The following CDK19 variants were observed in gnomAD, a reference collection of about 807,000 sequenced individuals.
The protein encoded by CDK19 is cyclin-dependent kinase 19.
CDK19 carries 20 observed loss-of-function variants against 68.3 expected under a neutral mutation model. That is an observed-to-expected ratio of 0.29 (90% CI 0.21 to 0.43). CDK19 has a LOEUF of 0.43. Ranked by LOEUF, CDK19 falls within the 20% of genes least tolerant of loss-of-function variation. The probability of loss-of-function intolerance (pLI) is 1.00; values close to 1 mark genes in which losing one functional copy is unlikely to be tolerated. For missense variants in CDK19, 339 were observed against 623.5 expected, an observed-to-expected ratio of 0.54 and a Z score of 4.86; for synonymous variants, 221 against 222.8, an observed-to-expected ratio of 0.99 and a Z score of 0.07.
At chr6:110,645,812 A>T in intron 4 of CDK19, 3 of 604,272 alleles carry the variant, frequency 5.0e-6, no homozygotes, top group South Asian at 1.7e-5. Flanking sequence ...CTAGAGACGG[A>T]GGGATGGCCG....
At chr6:110,692,642 CT>C (rs906524561) in intron 2 of CDK19, among the ~76,000 whole-genome samples, 124 of 152,258 alleles carry the variant, frequency 8.1e-4, no homozygotes, top group African/African-American at 2.9e-3. Flanking sequence ...CAAAGAACTC[CT>C]GGAAAATTCA....
intron 4 of CDK19, chr6:110,646,287 T>TG: frequency 6.6e-7 from 1 of 1,507,776 alleles, no homozygotes; most frequent in Non-Finnish European, 8.8e-7. Flanking sequence ...CGCCAACATG[T>TG]GCAAGCACAA....
At chr6:110,684,941 C>T (rs1410485828) in intron 2 of CDK19, among the ~76,000 whole-genome samples, 1 of 152,090 alleles carries the variant, frequency 6.6e-6, no homozygotes, top group Non-Finnish European at 1.5e-5. Context: ...GAGTTAGAGA[C>T]CAGGCTGGCC....
intron 2 of CDK19, among the ~76,000 whole-genome samples, chr6:110,679,967 C>T (rs1771872164): frequency 6.6e-6 from 1 of 150,788 alleles, no homozygotes; most frequent in South Asian, 2.1e-4. Flanking sequence ...TCTACTCAAC[C>T]GGTTCTTACT....
At chr6:110,671,931 C>A (rs1771044046) in intron 2 of CDK19, among the ~76,000 whole-genome samples, 3 of 152,152 alleles carry the variant, frequency 2.0e-5, no homozygotes, top group Admixed American at 2.0e-4. Flanking sequence ...GTACGCACCA[C>A]CATGCCCGGC....
chr6:110,623,451 AAG>A, intron 8 of CDK19, 89 bp from the exon 9 acceptor site: 1 of 1,545,244 alleles, frequency 6.5e-7, no homozygotes, highest in South Asian at 1.2e-5. Flanking sequence ...GCTTTCCTAT[AAG>A]GTATGTGTTT....
intron 4 of CDK19, chr6:110,645,730 C>T (rs1780517852): frequency 2.1e-6 from 1 of 479,036 alleles, no homozygotes; most frequent in Non-Finnish European, 4.0e-6. Context: ...AACAGAGTCC[C>T]TACAGGTGGT....
At chr6:110,732,359 T>C (rs1009999469) in intron 2 of CDK19, among the ~76,000 whole-genome samples, 4 of 151,974 alleles carry the variant, frequency 2.6e-5, no homozygotes, top group African/African-American at 9.7e-5. Flanking sequence ...AAAATTTAGC[T>C]GGGTATGGTG....
In CDK19 at chr6:110,791,184, T is replaced by A. The variant is rs566417246; in HGVS notation, c.128+23825A>T. Among the ~76,000 whole-genome samples the A allele has an allele frequency of 3.4e-5, 5 of 149,216 alleles. No homozygotes were observed. In the South Asian group the frequency reaches 6.4e-4, roughly 19 times the overall value. ...AGACTCCGTCTCAAAAAAAAAAAAA[T>A]TTAATTCATTAATTAATTAATTAAA... On this transcript the variant is annotated intron_variant, in intron 1 of 12. Transcript: ENST00000368911.
intron 1 of CDK19, among the ~76,000 whole-genome samples, chr6:110,764,952 A>AAAATAAATGAATAAATAAAT (rs1779470951): frequency 7.1e-6 from 1 of 141,048 alleles, no homozygotes. Flanking sequence ...CTCCATCTCA[A>AAAATAAATGAATAAATAAAT]AAATAAATAA....
chr6:110,623,049 T>C (rs1778815226), intron 9 of CDK19, 137 bp from the exon 10 acceptor site: 1 of 683,576 alleles, frequency 1.5e-6, no homozygotes, highest in Non-Finnish European at 2.6e-6. Flanking sequence ...GCATACTACA[T>C]ACTTTTATGT....
chr6:110,745,778 G>C (rs1048397253), intron 2 of CDK19, among the ~76,000 whole-genome samples: 8 of 151,870 alleles, frequency 5.3e-5, no homozygotes, highest in African/African-American at 1.9e-4. Context: ...ACCAACCTAG[G>C]CAACACAAGG....
intron 2 of CDK19, among the ~76,000 whole-genome samples, chr6:110,741,925 A>T (rs74295724): frequency 0.036 from 5,407 of 152,304 alleles, 432 homozygotes; most frequent in East Asian, 0.35. Flanking sequence ...AAAAAATACT[A>T]ACAGGAGGCT....
At chr6:110,787,160 G>C (rs1781279024) in intron 1 of CDK19, among the ~76,000 whole-genome samples, 1 of 152,136 alleles carries the variant, frequency 6.6e-6, no homozygotes, top group Non-Finnish European at 1.5e-5. Context: ...ATCACTTGAA[G>C]TCAGGAGTTC....
At chr6:110,671,889 T>G (rs1046587947) in intron 2 of CDK19, among the ~76,000 whole-genome samples, 4 of 152,180 alleles carry the variant, frequency 2.6e-5, no homozygotes. Flanking sequence ...GCAATTCTCC[T>G]GCCTCAACCT....
chr6:110,720,792 G>A (rs184572645), intron 2 of CDK19, among the ~76,000 whole-genome samples: 3 of 151,358 alleles, frequency 2.0e-5, no homozygotes, highest in East Asian at 1.9e-4. Context: ...GCTTGAACCC[G>A]GGAAGCAGAG....
chr6:110,695,593 A>G (rs1366924309), intron 2 of CDK19, among the ~76,000 whole-genome samples: 2 of 152,216 alleles, frequency 1.3e-5, no homozygotes, highest in Non-Finnish European at 2.9e-5. Flanking sequence ...TTGATAGACC[A>G]TTAGCAAGAT....
chr6:110,716,270 C>G (rs6568654), intron 2 of CDK19, among the ~76,000 whole-genome samples: 4 of 152,128 alleles, frequency 2.6e-5, no homozygotes, highest in Non-Finnish European at 5.9e-5. Context: ...TATTAGAGTA[C>G]GTAGCATGAT....
At chr6:110,703,460 A>G (rs1774181216) in intron 2 of CDK19, among the ~76,000 whole-genome samples, 1 of 152,214 alleles carries the variant, frequency 6.6e-6, no homozygotes, top group Admixed American at 6.5e-5. Flanking sequence ...TGAAATGATA[A>G]TGGAGAAAAT....
Sources: allele counts gnomAD v4.1 joint callset (sites outside exome capture counted in the v4.1 genomes callset), GRCh38; gene constraint gnomAD v4.1.1; transcripts MANE v1.5; gene names NCBI Gene and HGNC (gene_info 2026-07-23, HGNC 2026-07-21).